The following OR7C1 variants were observed in gnomAD, a reference collection of about 807,000 sequenced individuals.
OR7C1 encodes the protein olfactory receptor 7C1.
For synonymous variants in OR7C1, 152 were observed against 160.7 expected (o/e 0.95, Z 0.41); for missense variants, 324 against 383.3 (o/e 0.85, Z 1.29).
intron 1 of OR7C1, among the ~76,000 whole-genome samples, chr19:14,811,419 C>A (rs2044690339): frequency 6.6e-6 from 1 of 151,890 alleles, no homozygotes; most frequent in Non-Finnish European, 1.5e-5. Flanking sequence ...GTGTTTTCTC[C>A]TGTGCATGTC....
In OR7C1 at chr19:14,799,281, T is replaced by G. The variant is rs1280786810; in HGVS notation, c.856A>C (p.Asn286His). 3.1e-6 allele frequency: 5 copies of G among 1,614,006 alleles called. No individual in the cohort carries two copies. Among genetic ancestry groups the G allele is most frequent in the Non-Finnish European group, 4.2e-6 (5 of 1,180,034 alleles). ...TTCCTCAGGCTGTAGATGAAGGGGT[T>G]CAGCATGGGGGTGACCATGGTGTAC... The change falls in exon 5 of 5, where the codon AAC becomes CAC. Residue 286 changes from asparagine to histidine, a missense_variant. By Grantham distance (68) the Asn-to-His change is moderately conservative. Transcript: ENST00000641666.
chr19:14,805,578 G>C (rs1231275159), intron 2 of OR7C1, among the ~76,000 whole-genome samples: 1 of 151,544 alleles, frequency 6.6e-6, no homozygotes, highest in Non-Finnish European at 1.5e-5. Flanking sequence ...ACCACAGCCG[G>C]CCTTGTTTTG....
At position 14,809,425 on chromosome 19, in the gene OR7C1, T is replaced by C. The variant is rs1429462949; in HGVS notation, c.-435+381A>G. Reference sequence around the variant, plus strand: ...CCAGATTGAAAGCAAGAAACAGAGATTGAAAGCAAGAAGAAACAGTAATGG... The same window carrying C: ...CCAGATTGAAAGCAAGAAACAGAGACTGAAAGCAAGAAGAAACAGTAATGG... On this transcript the variant is annotated intron_variant, in intron 2 of 4. Transcript: ENST00000641666. Among the ~76,000 whole-genome samples the C allele has an allele frequency of 1.3e-5, 2 of 151,380 alleles. 1 individual carries two copies. The highest frequency in any genetic ancestry group is 4.9e-5 in the African/African-American group (2 of 41,004).
chr19:14,799,547 A>G, exon 5 of OR7C1: 1 of 1,614,212 alleles, frequency 6.2e-7, no homozygotes, highest in East Asian at 2.2e-5. Context: ...GTATATCACC[A>G]CGTTATTAAT....
At chr19:14,827,310 T>C in intron 1 of OR7C1, 1 of 1,558,476 alleles carries the variant, frequency 6.4e-7, no homozygotes, top group Non-Finnish European at 8.6e-7. Flanking sequence ...AAATTGCCCT[T>C]TCATTGTTCC....
intron 2 of OR7C1, among the ~76,000 whole-genome samples, chr19:14,802,809 T>A (rs962690718): frequency 1.3e-5 from 2 of 152,192 alleles, no homozygotes; most frequent in African/African-American, 4.8e-5. Context: ...TGTCGTTGTC[T>A]GGGGTAAATA....
At chr19:14,827,722 T>C in intron 1 of OR7C1, 1 of 1,614,102 alleles carries the variant, frequency 6.2e-7, no homozygotes, top group South Asian at 1.1e-5. Flanking sequence ...AAGTGGGGGA[T>C]TTCTAAGGCT....
intron 1 of OR7C1, among the ~76,000 whole-genome samples, chr19:14,812,566 G>C (rs2044696288): frequency 6.6e-6 from 1 of 151,830 alleles, no homozygotes; most frequent in Non-Finnish European, 1.5e-5. Flanking sequence ...GAAATCCTTA[G>C]AGTTGTGAGC....
At chr19:14,826,999 A>G (rs1383448022) in intron 1 of OR7C1, 1 of 260,976 alleles carries the variant, frequency 3.8e-6, no homozygotes, top group Non-Finnish European at 7.2e-6. Flanking sequence ...GAGACATACA[A>G]CTCTTCCCTG....
chr19:14,821,611 A>G (rs1275337127), intron 1 of OR7C1: 1 of 152,268 alleles, frequency 6.6e-6, no homozygotes, highest in Non-Finnish European at 1.5e-5. Context: ...TGCACATGCA[A>G]ATATACACAC....
intron 1 of OR7C1, among the ~76,000 whole-genome samples, chr19:14,811,114 T>C (rs1033125781): frequency 6.6e-6 from 1 of 151,950 alleles, no homozygotes; most frequent in Non-Finnish European, 1.5e-5. Context: ...TGAATGCAGG[T>C]GTATGCAATA....
At chr19:14,822,536 C>T (rs1056203867) in intron 1 of OR7C1, among the ~76,000 whole-genome samples, 3 of 151,870 alleles carry the variant, frequency 2.0e-5, no homozygotes, top group African/African-American at 7.3e-5. Context: ...AGGTGCCCGC[C>T]ACTGCGCCGG....
chr19:14,815,160 T>C (rs1025735773), intron 1 of OR7C1, among the ~76,000 whole-genome samples: 6 of 152,160 alleles, frequency 3.9e-5, no homozygotes, highest in African/African-American at 9.7e-5. Flanking sequence ...ACAGCTTTGA[T>C]TGGGCAAGAG....
intron 1 of OR7C1, among the ~76,000 whole-genome samples, chr19:14,811,614 C>G (rs1395738375): frequency 1.3e-5 from 2 of 151,636 alleles, no homozygotes; most frequent in Admixed American, 6.6e-5. Context: ...ACCAAACTTA[C>G]TGTGCTCAAA....
intron 1 of OR7C1, among the ~76,000 whole-genome samples, chr19:14,829,189 T>C (rs8101893): frequency 0.29 from 44,435 of 152,014 alleles, 6,847 homozygotes; most frequent in East Asian, 0.56. Context: ...TACAAAAACT[T>C]TGAGGGATGT....
At chr19:14,813,771 T>C (rs1180564877) in intron 1 of OR7C1, among the ~76,000 whole-genome samples, 1 of 151,962 alleles carries the variant, frequency 6.6e-6, no homozygotes, top group Non-Finnish European at 1.5e-5. Context: ...ACTCACTCAC[T>C]ATCACAAGCA....
chr19:14,817,004 T>G (rs2044719226), intron 1 of OR7C1, among the ~76,000 whole-genome samples: 1 of 150,330 alleles, frequency 6.7e-6, no homozygotes, highest in Non-Finnish European at 1.5e-5. Context: ...AGAGGGGAGG[T>G]GCCTAATGAG....
At chr19:14,802,493 C>T (rs541031124) in intron 2 of OR7C1, among the ~76,000 whole-genome samples, 1 of 152,310 alleles carries the variant, frequency 6.6e-6, no homozygotes, top group South Asian at 2.1e-4. Context: ...GCACTCCAGC[C>T]TGGGTGACAA....
intron 1 of OR7C1, chr19:14,826,051 C>A (rs2044765431): frequency 6.6e-6 from 1 of 152,114 alleles, no homozygotes; most frequent in South Asian, 2.1e-4. Flanking sequence ...TGTTGAGATT[C>A]CCCATCTAGG....
Sources: allele counts gnomAD v4.1 joint callset (sites outside exome capture counted in the v4.1 genomes callset), GRCh38; gene constraint gnomAD v4.1.1; transcripts MANE v1.5; gene names NCBI Gene and HGNC (gene_info 2026-07-23, HGNC 2026-07-21).